The following DNAH3 variants were observed in gnomAD, a reference collection of about 807,000 sequenced individuals.
The protein encoded by DNAH3 is axonemal beta dynein heavy chain 3.
Under a neutral mutation model 432.5 loss-of-function variants are expected in DNAH3, and 332 were observed. The observed-to-expected ratio is 0.77, with a 90% CI of 0.70 to 0.84. The LOEUF (loss-of-function observed/expected upper bound fraction) is 0.84. Ranked by LOEUF, DNAH3 falls within the 40% of genes least tolerant of loss-of-function variation. The pLI is 0.00. For missense variants in DNAH3, 4,861 were observed against 5,114.0 expected (o/e 0.95, Z 1.51); for synonymous variants, 1,956 against 1,900.2 (o/e 1.03, Z -0.76).
At chr16:21,036,281 G>A (rs567443519) in intron 35 of DNAH3, among the ~76,000 whole-genome samples, 2 of 152,204 alleles carry the variant, frequency 1.3e-5, no homozygotes, top group African/African-American at 4.8e-5. Context: ...AGCCAAGATT[G>A]CACCACTGCA....
intron 7 of DNAH3, chr16:21,129,871 AC>A (rs1371558021): frequency 6.6e-6 from 1 of 151,372 alleles, no homozygotes; most frequent in Admixed American, 6.6e-5. Context: ...CACAAACCAC[AC>A]TCCCTATCCC....
At chr16:21,037,126 T>C (rs545762899) in intron 34 of DNAH3, among the ~76,000 whole-genome samples, 2 of 152,126 alleles carry the variant, frequency 1.3e-5, no homozygotes, top group African/African-American at 2.4e-5. Context: ...CTGGCCAACA[T>C]GGTGAAAACC....
At chr16:21,105,436 G>C (rs1250233700) in intron 15 of DNAH3, among the ~76,000 whole-genome samples, 1 of 152,186 alleles carries the variant, frequency 6.6e-6, no homozygotes. Flanking sequence ...ATGAAGAAAA[G>C]TGTCTCGGCC....
At chr16:21,075,597 G>T in intron 20 of DNAH3, 36 bp from the exon 21 acceptor site, 2 of 1,508,618 alleles carry the variant, frequency 1.3e-6, no homozygotes, top group Non-Finnish European at 1.8e-6. Context: ...ACATCAACAG[G>T]AGGCAGAGAA....
intron 59 of DNAH3, among the ~76,000 whole-genome samples, chr16:20,938,444 CAA>C (rs1395335565): frequency 6.6e-6 from 1 of 151,288 alleles, no homozygotes; most frequent in Non-Finnish European, 1.5e-5. Context: ...GCTAAGCAGT[CAA>C]GGGTAAAAGC....
chr16:21,155,380 T>C (rs1174723080), intron 1 of DNAH3, among the ~76,000 whole-genome samples: 1 of 151,928 alleles, frequency 6.6e-6, no homozygotes, highest in Non-Finnish European at 1.5e-5. Flanking sequence ...TCCCAACACT[T>C]TGGAAGGCCG....
At chr16:21,113,890 C>T (rs182486963) in intron 12 of DNAH3, among the ~76,000 whole-genome samples, 1 of 152,306 alleles carries the variant, frequency 6.6e-6, no homozygotes, top group Admixed American at 6.5e-5. Context: ...ACAAATATTA[C>T]GATAGTCCCT....
intron 12 of DNAH3, among the ~76,000 whole-genome samples, chr16:21,114,617 G>T (rs1040873666): frequency 7.2e-5 from 11 of 152,178 alleles, no homozygotes; most frequent in African/African-American, 2.7e-4. Context: ...AGACATTTAT[G>T]CAGCCAAAAG....
At position 20,952,454 on chromosome 16, in the gene DNAH3, C is replaced by T. The variant is rs1032736919; in HGVS notation, c.11167G>A (p.Asp3723Asn). ...ATACCTGTCAGGTAGGTCAGAGCAT[C>T]AAAGGGCACCTCCTTGTAGTCATTG... is the stretch of plus-strand genomic sequence containing the variant. Residue 3723 changes from aspartate (D) to asparagine (N), a missense_variant, in exon 56 of 62, where the codon GAT (aspartate) becomes AAT (asparagine). Asp to Asn is a conservative substitution (Grantham distance 23). Transcript: ENST00000261383. 3 of 1,612,188 alleles carry T rather than the reference C, an allele frequency of 1.9e-6. No individual in the cohort carries two copies. In the African/African-American group the frequency reaches 4.0e-5, roughly 22 times the overall value.
chr16:21,041,356 A>G (rs1213078474), intron 32 of DNAH3, among the ~76,000 whole-genome samples: 1 of 152,048 alleles, frequency 6.6e-6, no homozygotes, highest in Non-Finnish European at 1.5e-5. Flanking sequence ...GGGGGACAGA[A>G]TGAGACTCCA....
At chr16:20,990,853 T>A (rs867338948) in intron 44 of DNAH3, among the ~76,000 whole-genome samples, 12 of 151,958 alleles carry the variant, frequency 7.9e-5, no homozygotes, top group African/African-American at 2.7e-4. Context: ...AACCCCCATC[T>A]CTATTAAAAA....
At chr16:21,085,023 C>T (rs2091317171) in intron 19 of DNAH3, among the ~76,000 whole-genome samples, 1 of 150,764 alleles carries the variant, frequency 6.6e-6, no homozygotes, top group Non-Finnish European at 1.5e-5. Context: ...AGAGAGGCAC[C>T]CCGTGAGCAC....
At chr16:21,033,921 C>T in intron 36 of DNAH3, 53 bp downstream of exon 36, 3 of 1,314,170 alleles carry the variant, frequency 2.3e-6, no homozygotes, top group Non-Finnish European at 3.3e-6. Flanking sequence ...ATGGAGCCAG[C>T]CAACTGAGCG....
intron 50 of DNAH3, among the ~76,000 whole-genome samples, chr16:20,977,756 A>G (rs948937210): frequency 1.3e-5 from 2 of 152,178 alleles, no homozygotes; most frequent in Admixed American, 6.5e-5. Flanking sequence ...TTCTTCACAC[A>G]CAGCACTAGG....
chr16:21,029,879 C>G (rs1047905653), intron 37 of DNAH3, among the ~76,000 whole-genome samples: 4 of 152,182 alleles, frequency 2.6e-5, no homozygotes, highest in African/African-American at 9.7e-5. Context: ...GCTTGGAGCA[C>G]AGTGGCACAA....
intron 41 of DNAH3, among the ~76,000 whole-genome samples, chr16:21,011,159 G>A (rs891147464): frequency 6.6e-6 from 1 of 152,024 alleles, no homozygotes; most frequent in African/African-American, 2.4e-5. Flanking sequence ...AAGGAAAGAG[G>A]TCACCACAAA....
intron 52 of DNAH3, 99 bp downstream of exon 52, chr16:20,969,693 C>G (rs931039458): frequency 2.3e-6 from 3 of 1,329,652 alleles, no homozygotes; most frequent in Non-Finnish European, 3.2e-6. Context: ...AGTGATCTTG[C>G]CTGCACGCCT....
intron 1 of DNAH3, among the ~76,000 whole-genome samples, chr16:21,153,604 G>A (rs1381225330): frequency 2.6e-5 from 4 of 152,122 alleles, no homozygotes; most frequent in African/African-American, 9.7e-5. Context: ...CACTGTTTGG[G>A]TTCATGCCGC....
chr16:21,116,993 TACTA>T (rs746542546), intron 12 of DNAH3, among the ~76,000 whole-genome samples: 159 of 152,340 alleles, frequency 1.0e-3, no homozygotes, highest in African/African-American at 3.5e-3. Flanking sequence ...ATCCTGGCTC[TACTA>T]ACTATTTGCT....
Sources: allele counts gnomAD v4.1 joint callset (sites outside exome capture counted in the v4.1 genomes callset), GRCh38; gene constraint gnomAD v4.1.1; transcripts MANE v1.5; gene names NCBI Gene and HGNC (gene_info 2026-07-23, HGNC 2026-07-21).